KAZN: variants seen among roughly 807,000 people sequenced by gnomAD.
KAZN encodes kazrin, periplakin interacting protein, also known as kazrin.
In KAZN, 40 loss-of-function variants were observed where a neutral mutation model predicts 87.4. That is an observed-to-expected ratio of 0.46 (90% CI 0.36 to 0.60). The LOEUF (loss-of-function observed/expected upper bound fraction) is 0.60, where lower values mean the gene tolerates loss of function less well. Ranked by LOEUF, KAZN falls within the 20% of genes least tolerant of loss-of-function variation. KAZN has a pLI of 0.00. For missense variants in KAZN, 898 were observed against 1,073.9 expected (o/e 0.84, Z 2.29); for synonymous variants, 466 against 458.3 (o/e 1.02, Z -0.22).
intron 1 of KAZN, among the ~76,000 whole-genome samples, chr1:14,758,320 C>T (rs1392029123): frequency 1.4e-5 from 2 of 139,058 alleles, no homozygotes; most frequent in African/African-American, 5.7e-5. Context: ...CACACAGCAC[C>T]ACACCCAACT....
At chr1:14,191,737 G>A (rs1646423474) in intron 2 of KAZN, among the ~76,000 whole-genome samples, 1 of 152,098 alleles carries the variant, frequency 6.6e-6, no homozygotes. Flanking sequence ...TTGAAACTGG[G>A]TTTAGAGACT....
At position 14,033,973 on chromosome 1, in the gene KAZN, C is replaced by T. The variant is rs1323389116; in HGVS notation, c.91+140217C>T. On this transcript the variant is annotated intron_variant, in intron 1 of 16. Coordinates refer to the KAZN transcript ENST00000636203. ...CCAGCAGACTGGCACATCTTCCAGGCAAGACAGGACAGTCAAAGGGAATGT... is the reference window on the plus strand; with the variant it reads ...CCAGCAGACTGGCACATCTTCCAGGTAAGACAGGACAGTCAAAGGGAATGT... 2.6e-5 allele frequency among the ~76,000 whole-genome samples: 4 copies of T among 152,270 alleles called. No individual in the cohort carries two copies. The South Asian group carries it at 8.3e-4, about 32-fold the overall frequency.
chr1:14,483,599 A>G (rs563938650), intron 2 of KAZN, among the ~76,000 whole-genome samples: 3 of 152,354 alleles, frequency 2.0e-5, no homozygotes, highest in East Asian at 1.9e-4. Context: ...AGGTTTTGCG[A>G]AAGTGTGTCT....
Position 14,868,024 on chromosome 1 carries a change from G to A in KAZN, c.227-92660G>A, listed in dbSNP as rs573604112. ...GCATCACAAACGTGGGCATCACACA[G>A]GCATGGCATCGCATAGCATGGCATC... On this transcript the variant is annotated intron_variant, in intron 1 of 14. Coordinates refer to ENST00000376030, the MANE Select transcript of KAZN (RefSeq NM_201628.3). Among the ~76,000 whole-genome samples the A allele has an allele frequency of 2.9e-4, 21 of 73,148 alleles. No individual in the cohort carries two copies. In the East Asian group the frequency reaches 8.6e-3, roughly 30 times the overall value. 48.0% of individuals were successfully genotyped at this position (73,148 alleles called of 152,430 possible).
chr1:14,246,848 G>A (rs1055199548), intron 2 of KAZN, among the ~76,000 whole-genome samples: 91 of 152,252 alleles, frequency 6.0e-4, no homozygotes, highest in East Asian at 1.2e-3. Context: ...TCAGATGGAA[G>A]CCTAGCTGTG....
chr1:14,099,592 T>A (rs772272493), intron 1 of KAZN, among the ~76,000 whole-genome samples: 6 of 152,138 alleles, frequency 3.9e-5, no homozygotes, highest in Non-Finnish European at 8.8e-5. Flanking sequence ...GAAACTGCCT[T>A]GAGAGATATG....
intron 1 of KAZN, among the ~76,000 whole-genome samples, chr1:14,151,762 G>T (rs1243076973): frequency 6.6e-6 from 1 of 152,178 alleles, no homozygotes; most frequent in Non-Finnish European, 1.5e-5. Flanking sequence ...CTGGGCCTTT[G>T]GCCATCCCTC....
intron 2 of KAZN, among the ~76,000 whole-genome samples, chr1:14,365,871 T>C (rs761589180): frequency 2.0e-5 from 3 of 151,932 alleles, no homozygotes; most frequent in Non-Finnish European, 4.4e-5. Context: ...AAAGTGTAGA[T>C]AGATATTCCT....
intron 1 of KAZN, among the ~76,000 whole-genome samples, chr1:14,112,560 A>G (rs749631240): frequency 3.9e-5 from 6 of 152,162 alleles, no homozygotes; most frequent in African/African-American, 1.4e-4. Flanking sequence ...TCACTTCTCC[A>G]TTCAGTGTCG....
intron 2 of KAZN, among the ~76,000 whole-genome samples, chr1:14,384,708 T>C (rs1244329964): frequency 6.6e-6 from 1 of 151,680 alleles, no homozygotes; most frequent in Non-Finnish European, 1.5e-5. Context: ...TGCTGCTGGA[T>C]TCGGTTTGCC....
At chr1:15,093,601 C>G (rs1022104015) in intron 8 of KAZN, among the ~76,000 whole-genome samples, 4 of 152,022 alleles carry the variant, frequency 2.6e-5, no homozygotes, top group Admixed American at 6.6e-5. Context: ...TGCAGGAAAT[C>G]GACATTTTTA....
Position 14,207,421 on chromosome 1 carries a change from C to T in KAZN, c.249+26829C>T, listed in dbSNP as rs567566560. Reference sequence around the variant, plus strand: ...TGATTCTGAATGTCCCCTCCCAACCCGAGCATCATGTTTTTCAAAGCTTTG... The same window carrying T: ...TGATTCTGAATGTCCCCTCCCAACCTGAGCATCATGTTTTTCAAAGCTTTG... On this transcript the variant is annotated intron_variant, in intron 2 of 16. Transcript: ENST00000636203. 7.2e-4 allele frequency among the ~76,000 whole-genome samples: 109 copies of T among 152,202 alleles called. 1 individual carries two copies. Among genetic ancestry groups the T allele is most frequent in the Non-Finnish European group, 1.2e-3 (81 of 68,014 alleles).
intron 2 of KAZN, among the ~76,000 whole-genome samples, chr1:14,378,490 A>G (rs954810965): frequency 5.9e-5 from 9 of 152,244 alleles, no homozygotes; most frequent in African/African-American, 2.2e-4. Context: ...TGAAGACAGT[A>G]GGAAAGAGTC....
At chr1:14,332,490 C>T (rs766133317) in intron 2 of KAZN, among the ~76,000 whole-genome samples, 33 of 152,300 alleles carry the variant, frequency 2.2e-4, no homozygotes, top group Non-Finnish European at 4.1e-4. Context: ...CTGAAGACTT[C>T]CCTGACTGTG....
intron 1 of KAZN, among the ~76,000 whole-genome samples, chr1:14,057,365 C>A (rs1158455940): frequency 6.6e-6 from 1 of 152,088 alleles, no homozygotes; most frequent in African/African-American, 2.4e-5. Flanking sequence ...GAACTCCTGA[C>A]CTCATAATCC....
chr1:14,243,772 A>C (rs1649228087), intron 2 of KAZN, among the ~76,000 whole-genome samples: 1 of 152,194 alleles, frequency 6.6e-6, no homozygotes, highest in Non-Finnish European at 1.5e-5. Flanking sequence ...GGGGGTCTGC[A>C]CTGGAACCAG....
At chr1:14,079,758 G>A (rs148363223) in intron 1 of KAZN, among the ~76,000 whole-genome samples, 116 of 152,256 alleles carry the variant, frequency 7.6e-4, no homozygotes, top group African/African-American at 2.7e-3. Context: ...GGAGCAAATG[G>A]GAAAAGAGTT....
intron 1 of KAZN, among the ~76,000 whole-genome samples, chr1:14,121,359 G>A (rs1013459554): frequency 5.3e-5 from 8 of 152,174 alleles, no homozygotes; most frequent in African/African-American, 1.7e-4. Flanking sequence ...AGTGCAAGGA[G>A]CAATAATTCC....
At chr1:14,595,037 C>T (rs1285381333), upstream of KAZN, among the ~76,000 whole-genome samples, 9 of 151,898 alleles carry the variant, frequency 5.9e-5, no homozygotes, top group African/African-American at 2.2e-4. Flanking sequence ...CCCAGCTACT[C>T]GGGAGGCTGA....
Sources: gnomAD v4.1 joint callset for allele counts (sites outside exome capture counted in the v4.1 genomes callset) on GRCh38, gnomAD v4.1.1 for gene constraint, MANE v1.5 for transcripts, NCBI Gene and HGNC (gene_info 2026-07-23, HGNC 2026-07-21) for gene names.